Variants in OXR1 observed in about 807,000 individuals in gnomAD.
OXR1 encodes oxidation resistance protein 1.
Under a neutral mutation model 104.6 loss-of-function variants are expected in OXR1, and 41 were observed. That is an observed-to-expected ratio of 0.39 (90% confidence interval 0.31 to 0.51). The LOEUF (loss-of-function observed/expected upper bound fraction) is 0.51. Ranked by LOEUF, OXR1 falls within the 20% of genes least tolerant of loss-of-function variation. OXR1 has a pLI of 0.77. For missense variants in OXR1, 955 were observed against 1,031.9 expected, an observed-to-expected ratio of 0.93 and a Z score of 1.02; for synonymous variants, 348 against 348.4, an observed-to-expected ratio of 1.00 and a Z score of 0.01.
chr8:106,745,618 T>A (rs931896175), intron 15 of OXR1, among the ~76,000 whole-genome samples, 171 bp from the exon 16 acceptor site: 1 of 152,200 alleles, frequency 6.6e-6, no homozygotes, highest in Non-Finnish European at 1.5e-5. Flanking sequence ...AATTTAGTCA[T>A]ATAAACACTG....
At chr8:106,677,947 C>T (rs1325813859) in intron 3 of OXR1, among the ~76,000 whole-genome samples, 1 of 151,986 alleles carries the variant, frequency 6.6e-6, no homozygotes, top group African/African-American at 2.4e-5. Flanking sequence ...GTGTCAGGCC[C>T]CTAGTTAGGC....
chr8:106,501,388 C>T (rs1007660887), intron 2 of OXR1, among the ~76,000 whole-genome samples: 8 of 152,136 alleles, frequency 5.3e-5, no homozygotes, highest in African/African-American at 1.9e-4. Flanking sequence ...AGGCAGGGGC[C>T]AGGTTATATG....
intron 1 of OXR1, among the ~76,000 whole-genome samples, chr8:106,343,933 T>G (rs1461642345): frequency 6.6e-6 from 1 of 152,258 alleles, no homozygotes; most frequent in East Asian, 1.9e-4. Flanking sequence ...TGGTGTTTAT[T>G]GCAAAATACA....
chr8:106,480,618 G>T (rs1015281690), intron 2 of OXR1, among the ~76,000 whole-genome samples: 1 of 151,786 alleles, frequency 6.6e-6, no homozygotes, highest in East Asian at 1.9e-4. Context: ...CACAATAAGG[G>T]TTTACTGTGA....
At chr8:106,623,370 A>G (rs1217545636) in intron 3 of OXR1, among the ~76,000 whole-genome samples, 1 of 152,124 alleles carries the variant, frequency 6.6e-6, no homozygotes, top group Admixed American at 6.5e-5. Context: ...TAGTAATAAT[A>G]ATGTTAACTT....
chr8:106,622,453 GCACACACACACACA>G (rs34839524), intron 3 of OXR1, among the ~76,000 whole-genome samples: 1 of 136,276 alleles, frequency 7.3e-6, no homozygotes, highest in African/African-American at 2.7e-5. Flanking sequence ...ATCACCCCCA[GCACACACACACACA>G]CACACACACA....
chr8:106,624,834 G>A (rs1056304045), intron 3 of OXR1, among the ~76,000 whole-genome samples: 5 of 152,110 alleles, frequency 3.3e-5, no homozygotes, highest in South Asian at 2.1e-4. Flanking sequence ...CTCTGTTGCC[G>A]GGCTGGAGTA....
chr8:106,555,462 T>C (rs1816193998), intron 3 of OXR1, among the ~76,000 whole-genome samples: 1 of 152,148 alleles, frequency 6.6e-6, no homozygotes, highest in Non-Finnish European at 1.5e-5. Flanking sequence ...AAATTCTAGG[T>C]GTGGTCCAGC....
chr8:106,601,003 G>C (rs1819928162), intron 3 of OXR1, among the ~76,000 whole-genome samples: 1 of 152,186 alleles, frequency 6.6e-6, no homozygotes, highest in South Asian at 2.1e-4. Flanking sequence ...ATAGAGGCTG[G>C]AGGAGGGAGG....
chr8:106,307,963 G>GAC (rs372296719), intron 1 of OXR1, among the ~76,000 whole-genome samples: 2,324 of 149,868 alleles, frequency 0.016, 63 homozygotes, highest in African/African-American at 0.053. Context: ...AAACCAAAAG[G>GAC]ACACACACAC....
intron 8 of OXR1, among the ~76,000 whole-genome samples, chr8:106,704,486 C>T (rs1056796600): frequency 1.4e-5 from 2 of 139,534 alleles, no homozygotes; most frequent in African/African-American, 5.3e-5. Flanking sequence ...CAACATCCAC[C>T]TCCTGGGTTC....
intron 1 of OXR1, among the ~76,000 whole-genome samples, chr8:106,344,788 C>T (rs1219514592): frequency 6.6e-6 from 1 of 152,148 alleles, no homozygotes. Context: ...TATTCCTTTC[C>T]AGTCTTACAT....
intron 7 of OXR1, chr8:106,697,576 C>G (rs1295294356): frequency 6.2e-7 from 1 of 1,611,188 alleles, no homozygotes; most frequent in African/African-American, 1.3e-5. Context: ...GTTGGGATCC[C>G]CAGAGAAGAG....
intron 3 of OXR1, among the ~76,000 whole-genome samples, chr8:106,578,987 C>T (rs3134126): frequency 0.46 from 63,057 of 136,448 alleles, 15,080 homozygotes; most frequent in African/African-American, 0.58. Flanking sequence ...CTTTTTCTTT[C>T]TTTTTTTTTT....
At chr8:106,547,276 T>C (rs187931412) in intron 3 of OXR1, among the ~76,000 whole-genome samples, 2 of 152,186 alleles carry the variant, frequency 1.3e-5, no homozygotes, top group Admixed American at 6.5e-5. Context: ...TCTTGCAAAA[T>C]TGAAACTTTG....
chr8:106,715,230 C>G (rs562661256), intron 11 of OXR1, among the ~76,000 whole-genome samples: 91 of 151,790 alleles, frequency 6.0e-4, no homozygotes, highest in African/African-American at 1.7e-3. Flanking sequence ...TATGTAATTT[C>G]ATTTACACGA....
chr8:106,278,119 A>G lies in OXR1; in HGVS notation c.-139+7752A>G, dbSNP rs144774469. ...TACCATTACTGAATATGTGTTTCCAATGATTGATCTGAATTTTCAAGATTA... is the reference window on the plus strand; with the variant it reads ...TACCATTACTGAATATGTGTTTCCAGTGATTGATCTGAATTTTCAAGATTA... On this transcript the variant is annotated intron_variant, in intron 1 of 16. Transcript: ENST00000517566. 3.0e-3 allele frequency among the ~76,000 whole-genome samples: 453 copies of G among 152,314 alleles called. 1 individual carries two copies. The highest frequency in any genetic ancestry group is 0.01 in the African/African-American group (434 of 41,572).
At chr8:106,368,690 A>G (rs2130368125) in intron 2 of OXR1, among the ~76,000 whole-genome samples, 1 of 152,166 alleles carries the variant, frequency 6.6e-6, no homozygotes, top group East Asian at 1.9e-4. Flanking sequence ...ACTGAGGATG[A>G]TGGCTTCCAG....
chr8:106,497,636 A>C (rs1258307235), intron 2 of OXR1, among the ~76,000 whole-genome samples: 1 of 152,190 alleles, frequency 6.6e-6, no homozygotes, highest in Non-Finnish European at 1.5e-5. Flanking sequence ...ATAAATGTGT[A>C]TTTGATGAAG....
Sources: gnomAD v4.1 joint callset for allele counts (sites outside exome capture counted in the v4.1 genomes callset) on GRCh38, gnomAD v4.1.1 for gene constraint, MANE v1.5 for transcripts, NCBI Gene and HGNC (gene_info 2026-07-23, HGNC 2026-07-21) for gene names.